RHEX: variants seen among roughly 807,000 people sequenced by gnomAD.
The protein encoded by RHEX is regulator of hemoglobinization and erythroid cell expansion.
A neutral mutation model predicts 20.1 loss-of-function variants in RHEX; 18 were observed. That is an observed-to-expected ratio of 0.90 (90% CI 0.62 to 1.33). The LOEUF (loss-of-function observed/expected upper bound fraction) is 1.33. Ranked by LOEUF, RHEX falls within the 40% of genes most tolerant of loss-of-function variation. RHEX has a pLI of 0.00. For missense variants in RHEX, 192 were observed against 214.3 expected, an observed-to-expected ratio of 0.90 and a Z score of 0.65; for synonymous variants, 87 against 77.1, an observed-to-expected ratio of 1.13 and a Z score of -0.67.
intron 1 of RHEX, 132 bp downstream of exon 1, chr1:206,053,397 GT>G: frequency 6.5e-6 from 1 of 153,300 alleles, no homozygotes; most frequent in Non-Finnish European, 1.5e-5. Flanking sequence ...TTTGGTTTTG[GT>G]TTTGGTTTTG....
chr1:206,058,510 A>G (rs1408666308), intron 1 of RHEX, among the ~76,000 whole-genome samples: 4 of 152,274 alleles, frequency 2.6e-5, no homozygotes, highest in Non-Finnish European at 4.4e-5. Flanking sequence ...ACAACAAGGA[A>G]GTAGAACCAA....
chr1:206,071,546 C>CA (rs35408708), intron 1 of RHEX, among the ~76,000 whole-genome samples: 13,840 of 95,772 alleles, frequency 0.14, 821 homozygotes, highest in East Asian at 0.29. Flanking sequence ...GTTGAAAATG[C>CA]AAAAAAAAAA....
chr1:206,095,598 C>T (rs1197030115), intron 1 of RHEX, among the ~76,000 whole-genome samples: 4 of 152,106 alleles, frequency 2.6e-5, no homozygotes, highest in African/African-American at 9.7e-5. Flanking sequence ...AGGCGGATCA[C>T]CTGAGGTTGG....
At chr1:206,099,607 C>A (rs1553288129) in intron 3 of RHEX, 48 bp from the exon 4 acceptor site, 2 of 1,586,956 alleles carry the variant, frequency 1.3e-6, no homozygotes, top group African/African-American at 2.7e-5. Context: ...GCATGAGCTA[C>A]TGCGCCTGGC....
At chr1:206,087,241 A>G (rs1479136481) in intron 1 of RHEX, among the ~76,000 whole-genome samples, 1 of 152,122 alleles carries the variant, frequency 6.6e-6, no homozygotes, top group Admixed American at 6.5e-5. Flanking sequence ...TCAAATATAA[A>G]TCCAACTTTG....
chr1:206,096,781 G>GTTTTTTTTTTTTTTTTT (rs1212622253), intron 1 of RHEX, among the ~76,000 whole-genome samples: 3 of 132,926 alleles, frequency 2.3e-5, no homozygotes, highest in Non-Finnish European at 3.1e-5. Context: ...TTTTTTTTTG[G>GTTTTTTTTTTTTTTTTT]TTTTTTTTTT....
intron 1 of RHEX, among the ~76,000 whole-genome samples, chr1:206,062,689 C>T (rs1435742133): frequency 2.0e-5 from 3 of 152,100 alleles, no homozygotes; most frequent in Admixed American, 2.0e-4. Context: ...ACTTGGTGAG[C>T]TCCCAGGAAG....
chr1:206,068,382 A>G (rs1287425555), intron 1 of RHEX, among the ~76,000 whole-genome samples: 2 of 152,190 alleles, frequency 1.3e-5, no homozygotes, highest in Non-Finnish European at 1.5e-5. Flanking sequence ...TGGAGATGTA[A>G]AAGGCTTTCA....
chr1:206,055,558 C>T (rs746832457), intron 1 of RHEX, among the ~76,000 whole-genome samples: 3 of 152,230 alleles, frequency 2.0e-5, no homozygotes, highest in Non-Finnish European at 4.4e-5. Flanking sequence ...TAGATGCAAT[C>T]GAAGCCCCGC....
At chr1:206,059,354 C>T (rs1662260670) in intron 1 of RHEX, among the ~76,000 whole-genome samples, 1 of 152,148 alleles carries the variant, frequency 6.6e-6, no homozygotes, top group African/African-American at 2.4e-5. Flanking sequence ...GTTAGGATAC[C>T]CAACAGAATC....
intron 1 of RHEX, among the ~76,000 whole-genome samples, chr1:206,094,090 G>C (rs546997815): frequency 6.6e-6 from 1 of 152,104 alleles, no homozygotes; most frequent in Admixed American, 6.5e-5. Context: ...AGGATGGAAC[G>C]AGGCACACCA....
Position 206,097,797 on chromosome 1 carries a change from C to T in RHEX, c.-32C>T, listed in dbSNP as rs558469793. The T allele has an allele frequency of 8.7e-6, 14 of 1,614,114 alleles. No homozygotes were observed. The African/African-American group carries it at 1.7e-4, about 20-fold the overall frequency. ...GTGCCAGGGTGGTTCCTGAAAGTGC[C>T]TGAGCCCCAACTTATCAGCAAGGAG... On this transcript the variant is annotated 5_prime_UTR_variant, in exon 2 of 6. Coordinates refer to ENST00000331555, the MANE Select transcript of RHEX (RefSeq NM_001007544.4).
intron 1 of RHEX, among the ~76,000 whole-genome samples, chr1:206,092,718 T>C (rs1662983343): frequency 6.6e-6 from 1 of 152,196 alleles, no homozygotes; most frequent in African/African-American, 2.4e-5. Flanking sequence ...TGAAAAATGT[T>C]AATCCCTTCT....
chr1:206,053,495 G>GT lies in RHEX; in HGVS notation c.-97+237dup, dbSNP rs553891081. Among the ~76,000 whole-genome samples the GT allele has an allele frequency of 8.7e-3, 1,321 of 152,184 alleles. 14 individuals carry two copies. Among genetic ancestry groups the GT allele is most frequent in the Non-Finnish European group, 0.012 (826 of 67,984 alleles). ...AAGAGTGTGTATGCCCTTTTTACCTGTTTTTTTGTTTGTGGCATGTGTGTG... is the reference window on the plus strand; with the variant it reads ...AAGAGTGTGTATGCCCTTTTTACCTGTTTTTTTTGTTTGTGGCATGTGTGTG... On this transcript the variant is annotated intron_variant, in intron 1 of 5. Coordinates refer to ENST00000331555, the MANE Select transcript of RHEX (RefSeq NM_001007544.4).
chr1:206,081,848 C>T (rs1553285934), intron 1 of RHEX, among the ~76,000 whole-genome samples: 6 of 152,162 alleles, frequency 3.9e-5, no homozygotes, highest in Non-Finnish European at 8.8e-5. Context: ...CACTGGGTTC[C>T]TGTGAATGGA....
chr1:206,073,383 A>C (rs1487357062), intron 1 of RHEX, among the ~76,000 whole-genome samples: 1 of 152,202 alleles, frequency 6.6e-6, no homozygotes, highest in African/African-American at 2.4e-5. Flanking sequence ...GATGATAAAC[A>C]CTTGTATAGT....
chr1:206,055,775 C>T (rs2102301415), intron 1 of RHEX, among the ~76,000 whole-genome samples: 1 of 152,390 alleles, frequency 6.6e-6, no homozygotes, highest in African/African-American at 2.4e-5. Flanking sequence ...AAACCTTTTA[C>T]ACTCTATGTG....
At chr1:206,060,198 A>G (rs1054921236) in intron 1 of RHEX, among the ~76,000 whole-genome samples, 9 of 152,196 alleles carry the variant, frequency 5.9e-5, no homozygotes, top group African/African-American at 1.7e-4. Context: ...TCTTTACTGT[A>G]TAATAGGAAT....
chr1:206,100,345 T>C (rs1458185317), intron 4 of RHEX, among the ~76,000 whole-genome samples: 1 of 152,258 alleles, frequency 6.6e-6, no homozygotes, highest in African/African-American at 2.4e-5. Flanking sequence ...CTATTCACAG[T>C]GGAAGTGGCT....
Sources: gnomAD v4.1 joint callset for allele counts (sites outside exome capture counted in the v4.1 genomes callset) on GRCh38, gnomAD v4.1.1 for gene constraint, MANE v1.5 for transcripts, NCBI Gene and HGNC (gene_info 2026-07-23, HGNC 2026-07-21) for gene names.